Variants in POMT1 observed in about 807,000 individuals in gnomAD.
POMT1 encodes the protein protein O-mannosyltransferase 1.
POMT1 carries 85 observed loss-of-function variants against 101.6 expected under a neutral mutation model. That is an observed-to-expected ratio of 0.84 (90% CI 0.70 to 1.00). The LOEUF (loss-of-function observed/expected upper bound fraction) is 1.00. Among genes scored for constraint, POMT1 ranks in the 50% least tolerant of loss-of-function variants. The pLI, the probability that POMT1 is intolerant of heterozygous loss-of-function variation, is 0.00. For missense variants in POMT1, 857 were observed against 930.4 expected (o/e 0.92, Z 1.03); for synonymous variants, 371 against 383.0 (o/e 0.97, Z 0.37).
At position 131,509,985 on chromosome 9, in the gene POMT1, A is replaced by C. The variant is rs776314368; in HGVS notation, c.688A>C (p.Thr230Pro). 6.2e-7 allele frequency: 1 copy of C among 1,614,050 alleles called. No individual in the cohort carries two copies. Among genetic ancestry groups the C allele is most frequent in the Non-Finnish European group, 8.5e-7 (1 of 1,180,040 alleles). Residue 230 changes from threonine to proline, a missense_variant, in exon 8 of 20, where the codon ACT becomes CCT. Coordinates refer to ENST00000402686, the MANE Select transcript of POMT1 (RefSeq NM_001077365.2). ...VHAWHLLGDQ[T>P]LSNVCVFCHL... ...TGCCTGGCACCTGCTTGGAGACCAG[A>C]CTTTGTCCAATGTAGGTGCTGATGT...
At chr9:131,508,756 A>G (rs1035363531) in intron 5 of POMT1, among the ~76,000 whole-genome samples, 155 bp from the exon 6 acceptor site, 1 of 152,266 alleles carries the variant, frequency 6.6e-6, no homozygotes, top group African/African-American at 2.4e-5. Context: ...TGATGACTGT[A>G]TGAGGCCTTG....
intron 8 of POMT1, 77 bp from the exon 9 acceptor site, chr9:131,510,183 T>G (rs1340173728): frequency 2.5e-6 from 4 of 1,610,242 alleles, no homozygotes; most frequent in Non-Finnish European, 3.4e-6. Flanking sequence ...CACTAACTTT[T>G]TCTAAGCTCA....
At chr9:131,510,516 A>C in intron 9 of POMT1, 101 bp downstream of exon 9, 2 of 1,408,686 alleles carry the variant, frequency 1.4e-6, no homozygotes, top group Non-Finnish European at 2.0e-6. Flanking sequence ...ACTTGAATCA[A>C]AACATGAAGA....
rs2131848299 is a variant in POMT1 at position 131,518,491 on chromosome 9, T to G, written c.1319T>G (p.Leu440Arg). 6.2e-7 allele frequency: 1 copy of G among 1,613,990 alleles called. No individual in the cohort carries two copies. The highest frequency in any genetic ancestry group is 2.2e-5 in the East Asian group (1 of 44,894). ...GACACAGACGTCTGGAAGACCATCC[T>G]CTCAGAGGTCCGCTTTGTGCACGTG... ...GSDTDVWKTI[L>R]SEVRFVHVNT... is the part of the protein sequence containing the mutation. Residue 440 changes from leucine (L) to arginine (R), a missense_variant, in exon 14 of 20, where the codon CTC (leucine) becomes CGC (arginine). Coordinates refer to ENST00000402686, the MANE Select transcript of POMT1 (RefSeq NM_001077365.2).
At position 131,519,360 on chromosome 9, in the gene POMT1, A is replaced by G. The variant is rs1376317403; in HGVS notation, c.1487-29A>G. 8.5e-5 allele frequency: 131 copies of G among 1,547,322 alleles called. No individual in the cohort carries two copies. Among genetic ancestry groups the G allele is most frequent in the East Asian group, 2.4e-4 (10 of 40,906 alleles). On this transcript the variant is annotated intron_variant, in intron 15 of 19. Coordinates refer to ENST00000402686, the MANE Select transcript of POMT1 (RefSeq NM_001077365.2). The surrounding 1 kb of genome is among the most constrained non-coding windows in gnomAD (Gnocchi z 4.3). ...GAGCTCTTGACCTTGTGCTACTTCT[A>G]TCTGTTATGCCCTTGTCTGTTCTGC...
intron 2 of POMT1, among the ~76,000 whole-genome samples, chr9:131,504,585 A>G (rs1467146256): frequency 6.6e-6 from 1 of 152,052 alleles, no homozygotes; most frequent in African/African-American, 2.4e-5. Context: ...GTAGAGGAAA[A>G]TCTGGTTGCC....
rs578247383 is a variant in POMT1 at position 131,519,709 on chromosome 9, G to A, written c.1584+223G>A. On this transcript the variant is annotated intron_variant, in intron 16 of 19. Transcript: ENST00000402686. This position sits in a 1 kb window ranked among gnomAD's most constrained non-coding sequence, Gnocchi z 4.3. ...GGTCAGGAATAATAGGGACCCAGGA[G>A]GTTCTGCAACATCGCCAGGGTGTCT... 6.6e-6 allele frequency among the ~76,000 whole-genome samples: 1 copy of A among 152,306 alleles called. No individual in the cohort carries two copies. The highest frequency in any genetic ancestry group is 2.1e-4 in the South Asian group (1 of 4,820).
rs1228647054 is a variant in POMT1 at position 131,519,076 on chromosome 9, G to A, written c.1486+119G>A. 1.5e-5 allele frequency: 22 copies of A among 1,488,246 alleles called. No individual in the cohort carries two copies. Among genetic ancestry groups the A allele is most frequent in the South Asian group, 3.5e-5 (3 of 84,612 alleles). The allele number at this position is 1,488,246 out of a possible 1,614,324, so 92.2% of individuals were successfully genotyped here. The stretch of plus-strand genomic sequence containing the variant: ...GGAACTGAGCACATTCTCCATGCTC[G>A]GTGGCAGGTCATCTCCCTCCCTGCA... On this transcript the variant is annotated intron_variant, in intron 15 of 19. Transcript: ENST00000402686. The surrounding 1 kb of genome is among the most constrained non-coding windows in gnomAD (Gnocchi z 4.3).
At chr9:131,511,910 T>A (rs905826129) in intron 10 of POMT1, 131 bp from the exon 11 acceptor site, 7 of 863,150 alleles carry the variant, frequency 8.1e-6, no homozygotes, top group Non-Finnish European at 1.3e-5. Context: ...AGGGTCTCAC[T>A]ATGTTGCCCA....
chr9:131,513,471 C>A, intron 12 of POMT1, 140 bp downstream of exon 12: 1 of 845,058 alleles, frequency 1.2e-6, no homozygotes, highest in Admixed American at 2.0e-5. Context: ...CTTAGACCTA[C>A]ATTTGATGCC....
intron 8 of POMT1, 71 bp downstream of exon 8, chr9:131,510,067 T>C (rs1203086077): frequency 1.9e-6 from 3 of 1,614,080 alleles, no homozygotes; most frequent in African/African-American, 1.3e-5. Context: ...CAGGGGGTAC[T>C]TGGTGAAAAG....
chr9:131,522,431 A>T lies in POMT1; in HGVS notation c.2003+207A>T. On this transcript the variant is annotated intron_variant, in intron 19 of 19. Coordinates refer to ENST00000402686, the MANE Select transcript of POMT1 (RefSeq NM_001077365.2). This position sits in a 1 kb window ranked among gnomAD's most constrained non-coding sequence, Gnocchi z 5.5. ...CCCAGAGGGAGAAGTCGCGGCTGAC[A>T]GAGATGAAAGCGGAGTGGGTGGGGA... is the stretch of plus-strand genomic sequence containing the variant. 1 of 1,055,040 alleles carries T rather than the reference A, an allele frequency of 9.5e-7. No homozygotes were observed. Among genetic ancestry groups the T allele is most frequent in the Non-Finnish European group, 1.3e-6 (1 of 747,078 alleles). 65.4% of individuals were successfully genotyped at this position (1,055,040 alleles called of 1,614,324 possible). A position where few individuals can be genotyped will look rare whatever the true frequency, so the allele number is the denominator to read the frequency against.
chr9:131,522,391 G>A lies in POMT1; in HGVS notation c.2003+167G>A. 1.5e-6 allele frequency: 2 copies of A among 1,376,088 alleles called. No homozygotes were observed. Among genetic ancestry groups the A allele is most frequent in the Middle Eastern group, 2.4e-4 (1 of 4,138 alleles). The allele number at this position is 1,376,088 out of a possible 1,614,324, so 85.2% of individuals were successfully genotyped here. On this transcript the variant is annotated intron_variant, in intron 19 of 19. Transcript: ENST00000402686. The surrounding 1 kb of genome is among the most constrained non-coding windows in gnomAD (Gnocchi z 5.5). ...TGAGGTTCAGAAGAGATGCCCAGATGAGGCACTGCAGGAACCCAGAGGGAG... is the reference window on the plus strand; with the variant it reads ...TGAGGTTCAGAAGAGATGCCCAGATAAGGCACTGCAGGAACCCAGAGGGAG...
chr9:131,513,064 A>G (rs975662256), intron 11 of POMT1, among the ~76,000 whole-genome samples, 175 bp from the exon 12 acceptor site: 1 of 152,254 alleles, frequency 6.6e-6, no homozygotes, highest in Non-Finnish European at 1.5e-5. Flanking sequence ...CTTTGGTTTC[A>G]GAAAAGAGCC....
chr9:131,519,297 G>A lies in POMT1; in HGVS notation c.1487-92G>A. 2 of 1,302,542 alleles carry A rather than the reference G, an allele frequency of 1.5e-6. No individual in the cohort carries two copies. Among genetic ancestry groups the A allele is most frequent in the Non-Finnish European group, 2.2e-6 (2 of 927,130 alleles). 80.7% of individuals were successfully genotyped at this position (1,302,542 alleles called of 1,614,324 possible). ...ATAAGGGGTCTTTGTTAGAAAGGCA[G>A]GAAGCCAGCTTTTTGCTGCACTGAC... is the stretch of plus-strand genomic sequence containing the variant. On this transcript the variant is annotated intron_variant, in intron 15 of 19. Transcript: ENST00000402686. This position sits in a 1 kb window ranked among gnomAD's most constrained non-coding sequence, Gnocchi z 4.3.
At position 131,511,823 on chromosome 9, in the gene POMT1, G is replaced by T; in HGVS notation, c.987-218G>T. The T allele has an allele frequency of 5.0e-6, 3 of 600,782 alleles. No individual in the cohort carries two copies. The South Asian group carries it at 6.0e-5, about 12-fold the overall frequency. 37.2% of individuals were successfully genotyped at this position (600,782 alleles called of 1,614,324 possible). On this transcript the variant is annotated intron_variant, in intron 10 of 19. Coordinates refer to ENST00000402686, the MANE Select transcript of POMT1 (RefSeq NM_001077365.2). Reference sequence around the variant, plus strand: ...CCCTTTGCAGAAACTTTAGGAGAAAGGCGTGTGGGCCCGATCGATGACCCA... The same window carrying T: ...CCCTTTGCAGAAACTTTAGGAGAAATGCGTGTGGGCCCGATCGATGACCCA...
rs1202204353 is a variant in POMT1, at chr9:131,519,530, G to A, written c.1584+44G>A. On this transcript the variant is annotated intron_variant, in intron 16 of 19. Coordinates refer to ENST00000402686, the MANE Select transcript of POMT1 (RefSeq NM_001077365.2). The surrounding 1 kb of genome is among the most constrained non-coding windows in gnomAD (Gnocchi z 4.3). The stretch of plus-strand genomic sequence containing the variant: ...AAGCTGGCCTAGCTCGCTGAGCATT[G>A]ACTCCTCAGCAGGGAGGCCTGGGGG... The A allele has an allele frequency of 5.9e-6, 9 of 1,528,314 alleles. No homozygotes were observed. Among genetic ancestry groups the A allele is most frequent in the Non-Finnish European group, 1.8e-6 (2 of 1,132,146 alleles). 94.7% of individuals were successfully genotyped at this position (1,528,314 alleles called of 1,614,324 possible). A position where few individuals can be genotyped will look rare whatever the true frequency, so the allele number is the denominator to read the frequency against.
At chr9:131,504,081 C>T (rs767486901) in intron 1 of POMT1, 108 bp from the exon 2 acceptor site, 233 of 1,347,970 alleles carry the variant, frequency 1.7e-4, no homozygotes, top group Non-Finnish European at 2.3e-4. Flanking sequence ...CTCAGCAGCC[C>T]GGCTGTGCTG....
At chr9:131,518,616 C>T (rs1305694269) in intron 14 of POMT1, 79 bp downstream of exon 14, 1 of 1,459,352 alleles carries the variant, frequency 6.9e-7, no homozygotes, top group South Asian at 1.1e-5. Flanking sequence ...GGCTTCACCG[C>T]CTCTCTGCAG....
Sources: gnomAD v4.1 joint callset for allele counts (sites outside exome capture counted in the v4.1 genomes callset) on GRCh38, gnomAD v4.1.1 for gene constraint, Gnocchi (gnomAD v3.1) non-coding constraint, MANE v1.5 for transcripts, NCBI Gene and HGNC (gene_info 2026-07-23, HGNC 2026-07-21) for gene names.